Variants in UQCC1 observed in about 807,000 individuals in gnomAD.
UQCC1 encodes the protein bFGF-repressed Zic-binding protein.
In UQCC1, 38 loss-of-function variants were observed where a neutral mutation model predicts 48.0. That is an observed-to-expected ratio of 0.79 (90% CI 0.61 to 1.04). The LOEUF (loss-of-function observed/expected upper bound fraction) is 1.04, where lower values mean the gene tolerates loss of function less well. Ranked by LOEUF, UQCC1 falls within the 50% of genes least tolerant of loss-of-function variation. The probability of loss-of-function intolerance (pLI) is 0.00; values close to 1 mark genes in which losing one functional copy is unlikely to be tolerated. For missense variants in UQCC1, 368 were observed against 381.8 expected, an observed-to-expected ratio of 0.96 and a Z score of 0.30; for synonymous variants, 111 against 129.2, an observed-to-expected ratio of 0.86 and a Z score of 0.95.
intron 1 of UQCC1, among the ~76,000 whole-genome samples, chr20:35,405,476 CA>C (rs975158557): frequency 6.6e-6 from 1 of 152,076 alleles, no homozygotes; most frequent in African/African-American, 2.4e-5. Flanking sequence ...GGCCCATACA[CA>C]GGGGGAAAAA....
intron 7 of UQCC1, among the ~76,000 whole-genome samples, chr20:35,324,614 C>T (rs1410505179): frequency 6.6e-6 from 1 of 152,254 alleles, no homozygotes; most frequent in Non-Finnish European, 1.5e-5. Context: ...GCGTGAGCCA[C>T]CGCACCTGGC....
At chr20:35,381,829 G>A (rs1050438399) in intron 4 of UQCC1, 89 bp downstream of exon 4, 2 of 798,842 alleles carry the variant, frequency 2.5e-6, no homozygotes, top group African/African-American at 1.7e-5. Context: ...TGAATTCCAT[G>A]AAAGCAAAGC....
At chr20:35,384,557 A>T in intron 2 of UQCC1, 1 of 424,150 alleles carries the variant, frequency 2.4e-6, no homozygotes. Context: ...TGGGAGGATC[A>T]CTTGAGCCCA....
intron 3 of UQCC1, 74 bp downstream of exon 3, chr20:35,383,964 A>G: frequency 5.2e-6 from 7 of 1,355,000 alleles, no homozygotes; most frequent in Non-Finnish European, 7.3e-6. Flanking sequence ...CACCTAGCTA[A>G]CAATTTTGTT....
At chr20:35,320,035 G>T (rs2061105341) in intron 7 of UQCC1, among the ~76,000 whole-genome samples, 1 of 152,080 alleles carries the variant, frequency 6.6e-6, no homozygotes, top group African/African-American at 2.4e-5. Flanking sequence ...ACTTCACCCT[G>T]CAGTCAGTAA....
chr20:35,349,735 C>A (rs1490255417), intron 6 of UQCC1, among the ~76,000 whole-genome samples: 1 of 152,176 alleles, frequency 6.6e-6, no homozygotes, highest in Non-Finnish European at 1.5e-5. Flanking sequence ...TGGTGGTTCA[C>A]ACCTATAATC....
intron 1 of UQCC1, among the ~76,000 whole-genome samples, chr20:35,411,271 A>G (rs933157427): frequency 6.6e-6 from 1 of 152,198 alleles, no homozygotes; most frequent in Admixed American, 6.5e-5. Flanking sequence ...GTAGTTTCAC[A>G]CACGGGTGCT....
At chr20:35,406,533 A>G (rs932602550) in intron 1 of UQCC1, among the ~76,000 whole-genome samples, 3 of 152,238 alleles carry the variant, frequency 2.0e-5, no homozygotes, top group Non-Finnish European at 4.4e-5. Flanking sequence ...GGAAAAAATG[A>G]AGATTTCCCA....
intron 4 of UQCC1, among the ~76,000 whole-genome samples, chr20:35,376,739 C>A (rs1329047044): frequency 6.6e-6 from 1 of 151,986 alleles, no homozygotes; most frequent in Non-Finnish European, 1.5e-5. Flanking sequence ...CTGAGGTGGG[C>A]GGATCACGAG....
chr20:35,381,798 C>T (rs1190453646), intron 4 of UQCC1, 120 bp downstream of exon 4: 21 of 685,850 alleles, frequency 3.1e-5, no homozygotes, highest in Non-Finnish European at 5.4e-5. Context: ...GCTAGATCGT[C>T]CTCACATCCA....
intron 8 of UQCC1, among the ~76,000 whole-genome samples, chr20:35,310,308 A>G (rs890690568): frequency 6.6e-6 from 1 of 152,216 alleles, no homozygotes; most frequent in East Asian, 1.9e-4. Context: ...CAAGCGATCC[A>G]GAGAGGTCAG....
intron 4 of UQCC1, among the ~76,000 whole-genome samples, chr20:35,375,610 T>C (rs1276844112): frequency 6.6e-6 from 1 of 151,928 alleles, no homozygotes; most frequent in Non-Finnish European, 1.5e-5. Flanking sequence ...AATGATATAG[T>C]AAAGATCAGA....
chr20:35,335,146 T>C (rs186297399), intron 7 of UQCC1, among the ~76,000 whole-genome samples: 4 of 152,296 alleles, frequency 2.6e-5, no homozygotes, highest in East Asian at 1.9e-4. Flanking sequence ...AAATGAACAA[T>C]GGAAATCATC....
chr20:35,407,860 T>TA (rs1264361507), intron 1 of UQCC1, among the ~76,000 whole-genome samples: 1 of 152,028 alleles, frequency 6.6e-6, no homozygotes, highest in Non-Finnish European at 1.5e-5. Context: ...CCATCTCTAC[T>TA]AAAAATACAA....
At chr20:35,386,010 A>G (rs2061938641) in intron 2 of UQCC1, among the ~76,000 whole-genome samples, 2 of 152,036 alleles carry the variant, frequency 1.3e-5, no homozygotes, top group African/African-American at 4.8e-5. Context: ...CTGACACATC[A>G]TCATCACTCA....
chr20:35,353,078 G>A (rs927828790), intron 6 of UQCC1, among the ~76,000 whole-genome samples: 7 of 152,106 alleles, frequency 4.6e-5, no homozygotes. Flanking sequence ...GCTATATAAT[G>A]TGTGCTTTAA....
chr20:35,384,966 C>CAAAAAAAAAAAAAAAAAAAA (rs57141083), intron 2 of UQCC1, among the ~76,000 whole-genome samples: 4 of 69,748 alleles, frequency 5.7e-5, no homozygotes, highest in African/African-American at 2.5e-4. Context: ...GAATCGGTCT[C>CAAAAAAAAAAAAAAAAAAAA]AAAAAAAAAA....
intron 1 of UQCC1, among the ~76,000 whole-genome samples, chr20:35,394,900 C>A (rs1013748872): frequency 2.0e-5 from 3 of 152,188 alleles, no homozygotes; most frequent in Admixed American, 6.5e-5. Context: ...CTTGTCCATA[C>A]ATTGGGGGTT....
intron 1 of UQCC1, among the ~76,000 whole-genome samples, chr20:35,401,989 G>A (rs183066432): frequency 3.3e-5 from 5 of 152,178 alleles, no homozygotes; most frequent in Admixed American, 3.3e-4. Context: ...CACCACTGGT[G>A]CCTATATTCC....
Sources: gnomAD v4.1 joint callset for allele counts (sites outside exome capture counted in the v4.1 genomes callset) on GRCh38, gnomAD v4.1.1 for gene constraint, MANE v1.5 for transcripts, NCBI Gene and HGNC (gene_info 2026-07-23, HGNC 2026-07-21) for gene names.